Variants in SRGAP3 observed in about 807,000 individuals in gnomAD.
SRGAP3 encodes the protein SLIT-ROBO Rho GTPase activating protein 3.
Under a neutral mutation model 121.1 loss-of-function variants are expected in SRGAP3, and 39 were observed. The ratio of observed to expected loss-of-function variants is 0.32; its 90% CI spans 0.25 to 0.42. The LOEUF (loss-of-function observed/expected upper bound fraction) is 0.42. Ranked by LOEUF, SRGAP3 falls within the 10% of genes least tolerant of loss-of-function variation. The pLI is 1.00. For synonymous variants in SRGAP3, 601 were observed against 570.0 expected (o/e 1.05, Z -0.77); for missense variants, 1,213 against 1,470.6 (o/e 0.82, Z 2.86).
At chr3:9,090,647 G>C (rs991970167) in intron 3 of SRGAP3, among the ~76,000 whole-genome samples, 3 of 152,140 alleles carry the variant, frequency 2.0e-5, no homozygotes, top group Non-Finnish European at 4.4e-5. Flanking sequence ...TTTTGTTGTT[G>C]TTTTTGTGAG....
At chr3:9,336,369 C>G (rs906607934) in intron 1 of SRGAP3, among the ~76,000 whole-genome samples, 4 of 152,136 alleles carry the variant, frequency 2.6e-5, no homozygotes, top group Non-Finnish European at 5.9e-5. Context: ...GCACACACCA[C>G]TGTGCCTGAT....
At chr3:9,002,630 G>A (rs914820265) in intron 18 of SRGAP3, among the ~76,000 whole-genome samples, 2 of 152,018 alleles carry the variant, frequency 1.3e-5, no homozygotes, top group Non-Finnish European at 2.9e-5. Context: ...AAAAACAATA[G>A]AGAAAATCAT....
At chr3:9,105,308 G>A (rs981942374) in intron 2 of SRGAP3, among the ~76,000 whole-genome samples, 18 of 152,168 alleles carry the variant, frequency 1.2e-4, no homozygotes. Flanking sequence ...CCCAGGGATT[G>A]GCTTCTGTCT....
intron 20 of SRGAP3, chr3:8,992,522 G>A (rs969101695): frequency 1.0e-5 from 4 of 387,812 alleles, no homozygotes; most frequent in African/African-American, 6.0e-5. Flanking sequence ...GCGTTTCAGG[G>A]AATATGTGAG....
At chr3:9,215,543 T>C (rs1952589415) in intron 1 of SRGAP3, among the ~76,000 whole-genome samples, 1 of 152,190 alleles carries the variant, frequency 6.6e-6, no homozygotes, top group Non-Finnish European at 1.5e-5. Context: ...AGATCTCTGG[T>C]AAAGCATTAT....
intron 1 of SRGAP3, among the ~76,000 whole-genome samples, chr3:9,132,053 C>T (rs1949475015): frequency 6.6e-6 from 1 of 152,160 alleles, no homozygotes; most frequent in South Asian, 2.1e-4. Context: ...CACAACCTCA[C>T]CAGCAATAGT....
intron 1 of SRGAP3, among the ~76,000 whole-genome samples, chr3:9,228,413 C>G (rs1266791501): frequency 6.6e-6 from 1 of 152,216 alleles, no homozygotes; most frequent in African/African-American, 2.4e-5. Context: ...AGCAAATGCA[C>G]AGCCAGACCA....
chr3:8,987,354 G>A (rs1410464023), intron 21 of SRGAP3, among the ~76,000 whole-genome samples: 2 of 152,188 alleles, frequency 1.3e-5, no homozygotes, highest in Non-Finnish European at 2.9e-5. Flanking sequence ...ACCACTGGTA[G>A]GTGCCGTGCA....
chr3:9,180,050 C>A (rs573410903), intron 1 of SRGAP3, among the ~76,000 whole-genome samples: 2 of 152,384 alleles, frequency 1.3e-5, no homozygotes, highest in Non-Finnish European at 2.9e-5. Flanking sequence ...AGTGCAGGAA[C>A]ACATGATGTG....
intron 2 of SRGAP3, among the ~76,000 whole-genome samples, chr3:9,121,329 G>A (rs1948996355): frequency 6.6e-6 from 1 of 152,290 alleles, no homozygotes; most frequent in African/African-American, 2.4e-5. Context: ...GAATCTTTAC[G>A]ACGGTGAGAC....
chr3:9,319,494 G>C (rs758476099), intron 3 of SRGAP3, among the ~76,000 whole-genome samples: 3 of 151,754 alleles, frequency 2.0e-5, no homozygotes, highest in African/African-American at 7.2e-5. Flanking sequence ...AACAGGCAGA[G>C]GAAAAAAACC....
chr3:9,136,326 G>C (rs968304840), intron 1 of SRGAP3, among the ~76,000 whole-genome samples: 2 of 152,008 alleles, frequency 1.3e-5, no homozygotes, highest in African/African-American at 4.8e-5. Context: ...CAGCGCCGGG[G>C]CTGGAGGCAG....
At chr3:9,171,881 TG>T (rs1950987757) in intron 1 of SRGAP3, among the ~76,000 whole-genome samples, 1 of 152,004 alleles carries the variant, frequency 6.6e-6, no homozygotes, top group Non-Finnish European at 1.5e-5. Flanking sequence ...TCGGTGGGGT[TG>T]GTTCCTTCCA....
chr3:9,230,628 T>C (rs1468553436), intron 1 of SRGAP3, among the ~76,000 whole-genome samples: 2 of 152,134 alleles, frequency 1.3e-5, no homozygotes, highest in Non-Finnish European at 2.9e-5. Flanking sequence ...CGCAGCACTT[T>C]GGAAGGATAA....
intron 3 of SRGAP3, among the ~76,000 whole-genome samples, chr3:9,093,945 T>G (rs1947864490): frequency 6.6e-6 from 1 of 152,160 alleles, no homozygotes; most frequent in Non-Finnish European, 1.5e-5. Flanking sequence ...ATCTAAAACA[T>G]GCAGAAAAGG....
intron 3 of SRGAP3, among the ~76,000 whole-genome samples, chr3:9,298,912 C>T (rs1954998986): frequency 1.3e-5 from 2 of 151,630 alleles, no homozygotes; most frequent in African/African-American, 4.8e-5. Flanking sequence ...ATTAGCCGGG[C>T]GTGGTGGTGG....
At chr3:9,082,899 T>G (rs1560105075) in intron 3 of SRGAP3, among the ~76,000 whole-genome samples, 1 of 152,210 alleles carries the variant, frequency 6.6e-6, no homozygotes, top group Non-Finnish European at 1.5e-5. Flanking sequence ...GAAGGTGGTC[T>G]CTGCTTGTGC....
At chr3:9,270,310 G>A (rs1313924590) in intron 3 of SRGAP3, among the ~76,000 whole-genome samples, 4 of 152,162 alleles carry the variant, frequency 2.6e-5, no homozygotes, top group African/African-American at 9.7e-5. Context: ...TTACATATAT[G>A]TGTATCAAAA....
intron 3 of SRGAP3, among the ~76,000 whole-genome samples, chr3:9,312,286 C>T (rs916497188): frequency 6.6e-6 from 1 of 152,162 alleles, no homozygotes; most frequent in African/African-American, 2.4e-5. Flanking sequence ...TCCCAGGTAG[C>T]TGGGACTACA....
Sources: allele counts gnomAD v4.1 joint callset (sites outside exome capture counted in the v4.1 genomes callset), GRCh38; gene constraint gnomAD v4.1.1; transcripts MANE v1.5; gene names NCBI Gene and HGNC (gene_info 2026-07-23, HGNC 2026-07-21).